The following ANK2 variants were observed in gnomAD, a reference collection of about 807,000 sequenced individuals.
ANK2 encodes ankyrin-2.
Under a neutral mutation model 360.5 loss-of-function variants are expected in ANK2, and 83 were observed. The observed-to-expected ratio is 0.23, with a 90% CI of 0.19 to 0.28. The LOEUF is 0.28. Among genes scored for constraint, ANK2 ranks in the 10% least tolerant of loss-of-function variants. The pLI is 1.00. For synonymous variants in ANK2, 1,740 were observed against 1,759.5 expected (o/e 0.99, Z 0.28); for missense variants, 4,201 against 4,795.7 (o/e 0.88, Z 3.66).
At chr4:113,350,501 G>T (rs1358595918) in intron 37 of ANK2, 1 of 413,610 alleles carries the variant, frequency 2.4e-6, no homozygotes, top group Non-Finnish European at 4.4e-6. Flanking sequence ...TGACATTCTT[G>T]TTAACCCTGG....
chr4:112,923,245 ATAAAATTGAAGAGTTATTT>A (rs1299386850), intron 2 of ANK2, among the ~76,000 whole-genome samples: 1 of 152,176 alleles, frequency 6.6e-6, no homozygotes. Context: ...GCTCTAAGGG[ATAAAATTGAAGAGTTATTT>A]TAAAGTGTTT....
chr4:113,302,560 T>A (rs557084029), intron 22 of ANK2, among the ~76,000 whole-genome samples: 1 of 152,316 alleles, frequency 6.6e-6, no homozygotes, highest in African/African-American at 2.4e-5. Context: ...CTTGTACAAC[T>A]TCTCTGGCAT....
chr4:113,331,834 A>G (rs1393037844), intron 27 of ANK2, 138 bp from the exon 28 acceptor site: 12 of 827,338 alleles, frequency 1.5e-5, no homozygotes, highest in Admixed American at 3.4e-5. Context: ...TTTGTGACCA[A>G]TGGAGGGGGC....
chr4:112,787,919 GCCGCAGTCT>G, the ANK2 span, among the ~76,000 whole-genome samples: 9 of 152,122 alleles, frequency 5.9e-5, no homozygotes, highest in African/African-American at 2.2e-4. Flanking sequence ...TGTCTCAAAT[GCCGCAGTCT>G]CCTGACATCC....
intron 1 of ANK2, among the ~76,000 whole-genome samples, chr4:112,897,313 G>C (rs1275866058): frequency 2.6e-5 from 4 of 152,078 alleles, no homozygotes; most frequent in Admixed American, 6.6e-5. Context: ...TTTGTTCAAT[G>C]CCTTTTGTTC....
At chr4:113,080,297 C>T (rs376693249) in intron 1 of ANK2, among the ~76,000 whole-genome samples, 1 of 152,124 alleles carries the variant, frequency 6.6e-6, no homozygotes, top group African/African-American at 2.4e-5. Flanking sequence ...TAACATGTCA[C>T]GTGGTTAGCT....
rs191190657 is a variant in ANK2 at position 112,832,044 on chromosome 4, A to C, written c.-40+13780A>C. Among the ~76,000 whole-genome samples, 1,108 of 152,268 alleles carry C rather than the reference A, an allele frequency of 7.3e-3. 6 individuals carry two copies. Among genetic ancestry groups the C allele is most frequent in the African/African-American group, 0.025 (1,057 of 41,546 alleles). On this transcript the variant is annotated intron_variant, in intron 1 of 30. Transcript: ENST00000503271. ...CATGGCTTCATTCTTGAAGTCAGCG[A>C]GACCAAGAACCCACCAATTCCGGAC...
the ANK2 span, among the ~76,000 whole-genome samples, chr4:112,790,656 T>G: frequency 6.6e-6 from 1 of 151,908 alleles, no homozygotes; most frequent in South Asian, 2.1e-4. Context: ...GCCGGCTAAT[T>G]TTTGTATTTT....
chr4:112,956,200 A>C (rs544266126), intron 2 of ANK2, among the ~76,000 whole-genome samples: 1 of 152,200 alleles, frequency 6.6e-6, no homozygotes, highest in Non-Finnish European at 1.5e-5. Flanking sequence ...TGTCTTTTTC[A>C]TCTTAACTAA....
At chr4:113,176,410 C>T (rs1375730112) in intron 2 of ANK2, among the ~76,000 whole-genome samples, 4 of 152,020 alleles carry the variant, frequency 2.6e-5, no homozygotes, top group African/African-American at 2.4e-5. Flanking sequence ...GTAAAATCTT[C>T]GTATGTTGTG....
chr4:113,096,849 C>G (rs774278653), intron 1 of ANK2, among the ~76,000 whole-genome samples: 11 of 151,926 alleles, frequency 7.2e-5, no homozygotes, highest in Non-Finnish European at 1.5e-4. Context: ...GCAAGTAGGT[C>G]TCTGGAAGAC....
Position 113,277,847 on chromosome 4 carries a change from C to T in ANK2, c.1694C>T (p.Thr565Ile). Residue 565 changes from threonine to isoleucine, a missense_variant, in exon 16 of 46, where the codon ACT becomes ATT. By Grantham distance (89) the Thr-to-Ile change is moderately conservative (BLOSUM62 -1). Coordinates refer to ENST00000357077, the MANE Select transcript of ANK2 (RefSeq NM_001148.6). ...TTCTCACATTTTCAGAAGGGTTTTA[C>T]TCCCCTGCATGTAGCAGCCAAGTAT... ...AHSLATKKGFTPLHVAAKYGS... is the reference protein window; with the variant it reads ...AHSLATKKGFIPLHVAAKYGS... 1.9e-6 allele frequency: 3 copies of T among 1,613,010 alleles called. No individual in the cohort carries two copies. The highest frequency in any genetic ancestry group is 2.5e-6 in the Non-Finnish European group (3 of 1,179,010).
At chr4:112,999,927 A>G (rs1047973615) in intron 2 of ANK2, among the ~76,000 whole-genome samples, 4 of 152,216 alleles carry the variant, frequency 2.6e-5, no homozygotes, top group East Asian at 1.9e-4. Flanking sequence ...ACAGAGAGGA[A>G]AAAAACTTTT....
At chr4:113,381,406 GC>G (rs762524482) in intron 45 of ANK2, 50 bp from the exon 46 acceptor site, 4 of 1,606,128 alleles carry the variant, frequency 2.5e-6, no homozygotes, top group Non-Finnish European at 3.4e-6. Context: ...CCTAACAGCT[GC>G]CCTCTGGCAG....
chr4:112,891,540 G>A (rs1282869169), intron 1 of ANK2, among the ~76,000 whole-genome samples: 1 of 152,112 alleles, frequency 6.6e-6, no homozygotes, highest in East Asian at 1.9e-4. Context: ...AAAAGCTAGA[G>A]GTAATATGGC....
At chr4:112,831,345 T>C (rs1228384278) in intron 1 of ANK2, among the ~76,000 whole-genome samples, 3 of 152,224 alleles carry the variant, frequency 2.0e-5, no homozygotes, top group Non-Finnish European at 2.9e-5. Context: ...ACTCTGTGTC[T>C]AGCTCAAGGT....
chr4:113,060,848 T>C (rs776433327), intron 1 of ANK2, among the ~76,000 whole-genome samples: 3 of 152,076 alleles, frequency 2.0e-5, no homozygotes, highest in Non-Finnish European at 2.9e-5. Flanking sequence ...AGAATGAAGC[T>C]TTATAGTTGG....
intron 2 of ANK2, among the ~76,000 whole-genome samples, chr4:112,934,569 C>G (rs986032893): frequency 7.2e-5 from 11 of 152,154 alleles, no homozygotes; most frequent in African/African-American, 2.4e-4. Flanking sequence ...CCTCTTTCAG[C>G]CCCGCTTCCT....
the ANK2 span, among the ~76,000 whole-genome samples, chr4:112,790,649 G>A: frequency 1.8e-4 from 27 of 151,686 alleles, no homozygotes; most frequent in Non-Finnish European, 2.7e-4. Context: ...CCACCACGCC[G>A]GCTAATTTTT....
Sources: gnomAD v4.1 joint callset for allele counts (sites outside exome capture counted in the v4.1 genomes callset) on GRCh38, gnomAD v4.1.1 for gene constraint, MANE v1.5 for transcripts, NCBI Gene and HGNC (gene_info 2026-07-23, HGNC 2026-07-21) for gene names.